The following PHTF2 variants were observed in gnomAD, a reference collection of about 807,000 sequenced individuals.
PHTF2 encodes protein PHTF2.
PHTF2 carries 60 observed loss-of-function variants against 101.2 expected under a neutral mutation model. The observed-to-expected ratio is 0.59, with a 90% confidence interval of 0.48 to 0.73. The LOEUF is 0.73. PHTF2 is among the 30% of genes least tolerant of loss of function. The pLI, the probability that PHTF2 is intolerant of heterozygous loss-of-function variation, is 0.00. For synonymous variants in PHTF2, 311 were observed against 307.3 expected (o/e 1.01, Z -0.13); for missense variants, 747 against 908.7 (o/e 0.82, Z 2.29).
At chr7:77,932,451 T>C (rs1411381348) in intron 12 of PHTF2, among the ~76,000 whole-genome samples, 1 of 151,972 alleles carries the variant, frequency 6.6e-6, no homozygotes, top group Non-Finnish European at 1.5e-5. Context: ...TTCCGTGAAG[T>C]GCAAGAGTCC....
At position 77,910,908 on chromosome 7, in the gene PHTF2, G is replaced by A. The variant is rs1030247055; in HGVS notation, c.776+499G>A. 1.3e-5 allele frequency among the ~76,000 whole-genome samples: 2 copies of A among 152,114 alleles called. 1 individual carries two copies. The highest frequency in any genetic ancestry group is 1.3e-4 in the Admixed American group (2 of 15,272). ...AGGTGTGAGCCACCGAACCCGGCCA[G>A]GATTTCTTGATTTTGGTTTCTTTTA... On this transcript the variant is annotated intron_variant, in intron 9 of 19. Coordinates refer to ENST00000416283, the Ensembl canonical transcript of PHTF2.
chr7:77,948,416 G>A (rs973640694), intron 16 of PHTF2, among the ~76,000 whole-genome samples: 2 of 151,800 alleles, frequency 1.3e-5, no homozygotes, highest in Non-Finnish European at 2.9e-5. Context: ...TAAATTCTAG[G>A]TGGATTAAAG....
chr7:77,836,660 C>T (rs1316702834), intron 1 of PHTF2, among the ~76,000 whole-genome samples: 1 of 152,162 alleles, frequency 6.6e-6, no homozygotes, highest in Non-Finnish European at 1.5e-5. Flanking sequence ...AAAAGGATGT[C>T]CTTTGCAGGG....
intron 1 of PHTF2, among the ~76,000 whole-genome samples, chr7:77,835,010 T>A (rs1242610916): frequency 6.6e-6 from 1 of 152,170 alleles, no homozygotes; most frequent in African/African-American, 2.4e-5. Context: ...CGGTGGCTCA[T>A]GCCTGTAATT....
intron 3 of PHTF2, among the ~76,000 whole-genome samples, chr7:77,865,209 T>C (rs540144299): frequency 6.6e-6 from 1 of 152,158 alleles, no homozygotes; most frequent in East Asian, 1.9e-4. Context: ...TTAACAATAA[T>C]TACCTGGGAA....
intron 7 of PHTF2, among the ~76,000 whole-genome samples, chr7:77,908,410 A>G (rs544105007): frequency 6.6e-6 from 1 of 152,342 alleles, no homozygotes; most frequent in African/African-American, 2.4e-5. Flanking sequence ...TTGTATCTGT[A>G]TGATACACTT....
chr7:77,873,510 A>C (rs762868618), intron 3 of PHTF2, among the ~76,000 whole-genome samples: 1 of 152,154 alleles, frequency 6.6e-6, no homozygotes, highest in Non-Finnish European at 1.5e-5. Flanking sequence ...TTCTAGAAGC[A>C]AACAGGGGTG....
At chr7:77,954,610 G>GTGTGTA (rs1554397898) in intron 19 of PHTF2, among the ~76,000 whole-genome samples, 1 of 82,534 alleles carries the variant, frequency 1.2e-5, no homozygotes, top group African/African-American at 6.6e-5. Context: ...AACAAGTACT[G>GTGTGTA]TGTATATATA....
At chr7:77,815,115 G>GA (rs962481447) in intron 1 of PHTF2, among the ~76,000 whole-genome samples, 10 of 149,552 alleles carry the variant, frequency 6.7e-5, no homozygotes, top group South Asian at 4.2e-4. Context: ...CCAACAAAAA[G>GA]AAAAAAAAAG....
chr7:77,954,619 T>TATATATAC (rs1806842930), intron 19 of PHTF2, among the ~76,000 whole-genome samples: 1 of 113,430 alleles, frequency 8.8e-6, no homozygotes, highest in Non-Finnish European at 2.1e-5. Context: ...TGTGTATATA[T>TATATATAC]ATATATATAT....
intron 9 of PHTF2, among the ~76,000 whole-genome samples, chr7:77,918,182 A>C (rs1278634221): frequency 6.6e-6 from 1 of 151,958 alleles, no homozygotes; most frequent in Non-Finnish European, 1.5e-5. Context: ...AGACTCAAAG[A>C]CCCTTTTACT....
intron 2 of PHTF2, among the ~76,000 whole-genome samples, chr7:77,850,550 G>A (rs1294934602): frequency 6.7e-6 from 1 of 150,128 alleles, no homozygotes; most frequent in Admixed American, 6.7e-5. Context: ...GTAGAGGCAG[G>A]AGAATCACTT....
At chr7:77,829,865 G>A (rs575374120) in intron 1 of PHTF2, among the ~76,000 whole-genome samples, 122 of 152,302 alleles carry the variant, frequency 8.0e-4, no homozygotes, top group African/African-American at 2.8e-3. Flanking sequence ...GTGACTGAGT[G>A]ACATGTCAGT....
intron 5 of PHTF2, among the ~76,000 whole-genome samples, chr7:77,900,459 T>C (rs576004389): frequency 6.6e-6 from 1 of 152,306 alleles, no homozygotes; most frequent in South Asian, 2.1e-4. Context: ...ATAGTATTTG[T>C]AGTAGAATTT....
chr7:77,914,562 C>A (rs1045488227), intron 9 of PHTF2, among the ~76,000 whole-genome samples: 1 of 152,078 alleles, frequency 6.6e-6, no homozygotes, highest in African/African-American at 2.4e-5. Flanking sequence ...AGGAAAAGCC[C>A]CTAGTTGTCC....
At chr7:77,806,135 A>G (rs1056988907) in intron 1 of PHTF2, among the ~76,000 whole-genome samples, 6 of 151,024 alleles carry the variant, frequency 4.0e-5, no homozygotes, top group African/African-American at 1.2e-4. Context: ...AGATCGCACC[A>G]TTGCACTCTA....
intron 3 of PHTF2, among the ~76,000 whole-genome samples, chr7:77,868,322 ATTTTTTTT>A (rs761861776): frequency 2.0e-4 from 16 of 78,532 alleles, no homozygotes; most frequent in Admixed American, 1.7e-3. Context: ...TTAAAAAAAA[ATTTTTTTT>A]TTTTTTTTTT....
chr7:77,907,201 A>C (rs1801946769), intron 7 of PHTF2, among the ~76,000 whole-genome samples: 1 of 152,206 alleles, frequency 6.6e-6, no homozygotes, highest in African/African-American at 2.4e-5. Context: ...ACTGTTATGG[A>C]ATAACTAGAG....
intron 1 of PHTF2, among the ~76,000 whole-genome samples, chr7:77,802,047 T>A (rs1427991986): frequency 1.3e-5 from 2 of 152,222 alleles, no homozygotes; most frequent in African/African-American, 4.8e-5. Context: ...ACTAGTTGGG[T>A]TTCAGGGGAG....
Sources: gnomAD v4.1 joint callset for allele counts (sites outside exome capture counted in the v4.1 genomes callset) on GRCh38, gnomAD v4.1.1 for gene constraint, MANE v1.5 for transcripts, NCBI Gene and HGNC (gene_info 2026-07-23, HGNC 2026-07-21) for gene names.